Variants in ZBTB20 observed in about 807,000 individuals in gnomAD.
ZBTB20 encodes the protein zinc finger and BTB domain-containing protein 20.
ZBTB20 carries 9 observed loss-of-function variants against 56.9 expected under a neutral mutation model. That is an observed-to-expected ratio of 0.16 (90% CI 0.10 to 0.28). The LOEUF is 0.28. Ranked by LOEUF, ZBTB20 falls within the 10% of genes least tolerant of loss-of-function variation. The pLI is 1.00. For missense variants in ZBTB20, 655 were observed against 1,003.0 expected (o/e 0.65, Z 4.69); for synonymous variants, 417 against 420.7 (o/e 0.99, Z 0.11).
chr3:114,453,064 C>T (rs975618195), intron 7 of ZBTB20, among the ~76,000 whole-genome samples: 6 of 152,148 alleles, frequency 3.9e-5, no homozygotes, highest in African/African-American at 1.2e-4. Flanking sequence ...TTGTTTACTA[C>T]ATTTTACACA....
At chr3:114,580,664 A>C (rs1001267351) in intron 6 of ZBTB20, among the ~76,000 whole-genome samples, 2 of 151,880 alleles carry the variant, frequency 1.3e-5, no homozygotes, top group African/African-American at 4.8e-5. Flanking sequence ...TATAACAATA[A>C]TAACCAATAA....
At chr3:114,414,768 A>G (rs970140581) in intron 7 of ZBTB20, among the ~76,000 whole-genome samples, 5 of 148,036 alleles carry the variant, frequency 3.4e-5, no homozygotes, top group African/African-American at 1.2e-4. Flanking sequence ...AAAATGCTAT[A>G]TGATAGTATA....
chr3:115,105,776 A>G (rs1368303964), intron 1 of ZBTB20, among the ~76,000 whole-genome samples: 1 of 152,196 alleles, frequency 6.6e-6, no homozygotes, highest in Non-Finnish European at 1.5e-5. Context: ...AAAGGAATTA[A>G]AAAAGCAAGA....
At chr3:115,041,688 A>C (rs1451506437) in intron 2 of ZBTB20, among the ~76,000 whole-genome samples, 1 of 152,216 alleles carries the variant, frequency 6.6e-6, no homozygotes, top group Non-Finnish European at 1.5e-5. Flanking sequence ...GGTTGATAAT[A>C]TGTTAACAAG....
intron 7 of ZBTB20, chr3:114,453,469 T>C (rs1414766701): frequency 6.6e-6 from 1 of 152,190 alleles, no homozygotes; most frequent in Non-Finnish European, 1.5e-5. Context: ...CATTGGTATT[T>C]TGGGAACCCA....
At chr3:114,929,644 T>G (rs1216807285) in intron 3 of ZBTB20, among the ~76,000 whole-genome samples, 1 of 152,254 alleles carries the variant, frequency 6.6e-6, no homozygotes, top group African/African-American at 2.4e-5. Context: ...CAGTTCCTAC[T>G]TACAACTTCT....
intron 1 of ZBTB20, among the ~76,000 whole-genome samples, chr3:115,117,243 A>G (rs780111149): frequency 6.6e-6 from 1 of 152,166 alleles, no homozygotes; most frequent in Non-Finnish European, 1.5e-5. Context: ...GCATTGGCAT[A>G]CCTAATATTC....
chr3:115,024,873 C>A (rs1482272490), intron 2 of ZBTB20, among the ~76,000 whole-genome samples: 2 of 151,028 alleles, frequency 1.3e-5, no homozygotes, highest in Non-Finnish European at 3.0e-5. Context: ...GTAGTAGTTA[C>A]CGCTAGTAAC....
intron 1 of ZBTB20, among the ~76,000 whole-genome samples, chr3:115,112,681 A>G (rs1560581821): frequency 6.6e-6 from 1 of 152,006 alleles, no homozygotes; most frequent in East Asian, 1.9e-4. Context: ...TATATGCCAC[A>G]TTTTTTTATC....
rs539581234 is a variant in ZBTB20, at chr3:114,697,057, T to C, written c.-342-3482A>G. ...TAAGACTTTGGAGTTTGAATGTACTTTGTTAAAAAAAAAAAAAAAGAAGAA... is the reference window on the plus strand; with the variant it reads ...TAAGACTTTGGAGTTTGAATGTACTCTGTTAAAAAAAAAAAAAAAGAAGAA... On this transcript the variant is annotated intron_variant, in intron 5 of 11. Transcript: ENST00000675478. Among the ~76,000 whole-genome samples the C allele has an allele frequency of 1.2e-4, 16 of 134,944 alleles. No individual in the cohort carries two copies. The South Asian group carries it at 3.8e-3, about 32-fold the overall frequency. The allele number at this position is 134,944 out of a possible 152,430, so 88.5% of individuals were successfully genotyped here. A position where few individuals can be genotyped will look rare whatever the true frequency, so the allele number is the denominator to read the frequency against.
chr3:114,884,989 C>T (rs1560361130), intron 4 of ZBTB20, among the ~76,000 whole-genome samples: 1 of 152,152 alleles, frequency 6.6e-6, no homozygotes, highest in East Asian at 1.9e-4. Flanking sequence ...AAACTTAGTT[C>T]TGCTTTCAGA....
intron 8 of ZBTB20, among the ~76,000 whole-genome samples, chr3:114,384,651 A>G (rs577197587): frequency 7.2e-5 from 11 of 152,280 alleles, no homozygotes; most frequent in Middle Eastern, 6.8e-3. Context: ...TTTTAAGGAG[A>G]CTGGCGGCCG....
chr3:114,371,652 G>C lies in ZBTB20; in HGVS notation c.199+8565C>G, dbSNP rs578201255. 1.3e-4 allele frequency among the ~76,000 whole-genome samples: 20 copies of C among 152,316 alleles called. No individual in the cohort carries two copies. In the South Asian group the frequency reaches 4.1e-3, roughly 32 times the overall value. The stretch of plus-strand genomic sequence containing the variant: ...TAGTCCTGACTCCTTTCTGTTCAGA[G>C]AACATTAAGTTTGTCCAGAAGCAGA... On this transcript the variant is annotated intron_variant, in intron 10 of 11. Coordinates refer to ENST00000675478, the MANE Select transcript of ZBTB20 (RefSeq NM_001348800.3).
chr3:114,480,208 A>C (rs2041367107), intron 7 of ZBTB20, among the ~76,000 whole-genome samples: 1 of 152,154 alleles, frequency 6.6e-6, no homozygotes, highest in Non-Finnish European at 1.5e-5. Flanking sequence ...TCAGCACAGA[A>C]GTGATTTTTT....
rs1159451678 is a variant in ZBTB20, at chr3:114,527,564, T to C, written c.-294-27173A>G. ...TAATGGTCTGTGCAATACTGAGCCATAATCTCAGGAGTGTAAAAGGTAGTT... is the reference window on the plus strand; with the variant it reads ...TAATGGTCTGTGCAATACTGAGCCACAATCTCAGGAGTGTAAAAGGTAGTT... On this transcript the variant is annotated intron_variant, in intron 6 of 11. Transcript: ENST00000675478. Among the ~76,000 whole-genome samples the C allele has an allele frequency of 2.0e-5, 3 of 152,184 alleles. No homozygotes were observed. In the East Asian group the frequency reaches 5.8e-4, roughly 29 times the overall value.
chr3:114,932,871 C>T (rs1477456753), intron 3 of ZBTB20, among the ~76,000 whole-genome samples: 2 of 152,194 alleles, frequency 1.3e-5, no homozygotes, highest in Non-Finnish European at 2.9e-5. Context: ...TGACCTTGCA[C>T]CCTTTTTTTG....
rs923397777 is a variant in ZBTB20, at chr3:114,331,138, C to T, written c.*7867G>A. On this transcript the variant is annotated 3_prime_UTR_variant, in exon 12 of 12. Coordinates refer to ENST00000675478, the MANE Select transcript of ZBTB20 (RefSeq NM_001348800.3). ...GTGTGTGTGTGTGTGTGTGTGTGTGCACACTGCATTGCATAGAGGAAAGGA... is the reference window on the plus strand; with the variant it reads ...GTGTGTGTGTGTGTGTGTGTGTGTGTACACTGCATTGCATAGAGGAAAGGA... The T allele has an allele frequency of 3.6e-5, 3 of 82,214 alleles. No individual in the cohort carries two copies. Among genetic ancestry groups the T allele is most frequent in the Non-Finnish European group, 6.5e-5 (2 of 30,668 alleles). The allele number at this position is 82,214 out of a possible 1,614,324, so 5.1% of individuals were successfully genotyped here.
At chr3:114,490,504 A>G (rs1236256669) in intron 7 of ZBTB20, among the ~76,000 whole-genome samples, 2 of 152,106 alleles carry the variant, frequency 1.3e-5, no homozygotes, top group African/African-American at 4.8e-5. Flanking sequence ...TACAGGCGTG[A>G]GATCCCGTGC....
intron 1 of ZBTB20, among the ~76,000 whole-genome samples, chr3:115,145,271 A>G (rs978781630): frequency 1.3e-5 from 2 of 152,238 alleles, no homozygotes; most frequent in African/African-American, 4.8e-5. Flanking sequence ...TTCACTAGAA[A>G]AATACAGATT....
Sources: gnomAD v4.1 joint callset for allele counts (sites outside exome capture counted in the v4.1 genomes callset) on GRCh38, gnomAD v4.1.1 for gene constraint, MANE v1.5 for transcripts, NCBI Gene and HGNC (gene_info 2026-07-23, HGNC 2026-07-21) for gene names.